The following PTPRM variants were observed in gnomAD, a reference collection of about 807,000 sequenced individuals.
PTPRM encodes receptor-type tyrosine-protein phosphatase mu.
PTPRM carries 47 observed loss-of-function variants against 186.7 expected under a neutral mutation model. The ratio of observed to expected loss-of-function variants is 0.25; its 90% CI spans 0.20 to 0.32. The LOEUF is 0.32. PTPRM is among the 10% of genes least tolerant of loss of function. PTPRM has a pLI of 1.00. For synonymous variants in PTPRM, 668 were observed against 674.9 expected, an observed-to-expected ratio of 0.99 and a Z score of 0.16; for missense variants, 1,494 against 1,865.0, an observed-to-expected ratio of 0.80 and a Z score of 3.66.
chr18:7,636,300 T>C (rs576509879), intron 1 of PTPRM, among the ~76,000 whole-genome samples: 2 of 152,298 alleles, frequency 1.3e-5, no homozygotes, highest in South Asian at 4.1e-4. Context: ...GCTTGCTTTT[T>C]ATGGATGGCT....
At chr18:7,927,356 G>A (rs748102215) in intron 5 of PTPRM, among the ~76,000 whole-genome samples, 15 of 152,074 alleles carry the variant, frequency 9.9e-5, no homozygotes, top group Non-Finnish European at 2.1e-4. Context: ...CCCTGCCTTG[G>A]TATTCTCCAG....
At chr18:7,924,863 C>T (rs1490767092) in intron 4 of PTPRM, among the ~76,000 whole-genome samples, 1 of 152,170 alleles carries the variant, frequency 6.6e-6, no homozygotes, top group East Asian at 1.9e-4. Flanking sequence ...TAAGGAAAGG[C>T]ACAGATGGTG....
chr18:7,856,743 C>CAAAA (rs5822986), intron 2 of PTPRM, among the ~76,000 whole-genome samples: 69,758 of 139,930 alleles, frequency 0.5, 17,628 homozygotes, highest in East Asian at 0.7. Flanking sequence ...GACCCTGTCT[C>CAAAA]AAAAAAAAAA....
chr18:8,198,171 G>A (rs34343930), intron 14 of PTPRM, among the ~76,000 whole-genome samples: 1 of 152,114 alleles, frequency 6.6e-6, no homozygotes, highest in Non-Finnish European at 1.5e-5. Flanking sequence ...TGTTAGACAG[G>A]ATCTTACTCC....
intron 14 of PTPRM, among the ~76,000 whole-genome samples, chr18:8,226,923 A>G (rs2094220698): frequency 6.6e-6 from 1 of 152,160 alleles, no homozygotes; most frequent in Non-Finnish European, 1.5e-5. Context: ...CTCCAAAGGC[A>G]GGAAGGGTGG....
intron 1 of PTPRM, among the ~76,000 whole-genome samples, chr18:7,738,767 TTG>T (rs1225521163): frequency 1.3e-5 from 2 of 152,098 alleles, no homozygotes; most frequent in African/African-American, 4.8e-5. Flanking sequence ...GAAGCATTGG[TTG>T]TGTGACATGC....
chr18:8,067,980 T>C (rs1006319636), intron 7 of PTPRM, among the ~76,000 whole-genome samples: 3 of 152,228 alleles, frequency 2.0e-5, no homozygotes, highest in Admixed American at 1.3e-4. Context: ...TCTTCTTATT[T>C]GATTCTCTTT....
intron 19 of PTPRM, among the ~76,000 whole-genome samples, chr18:8,269,585 A>G (rs923103930): frequency 6.6e-6 from 1 of 152,020 alleles, no homozygotes; most frequent in African/African-American, 2.4e-5. Flanking sequence ...AGCCAAAGCA[A>G]TCTTAAGAAA....
intron 2 of PTPRM, among the ~76,000 whole-genome samples, chr18:7,830,510 A>G (rs1012049201): frequency 5.3e-5 from 8 of 152,170 alleles, no homozygotes; most frequent in Non-Finnish European, 7.4e-5. Context: ...GGTATAGCCT[A>G]TTGCTCCAAC....
intron 19 of PTPRM, among the ~76,000 whole-genome samples, chr18:8,257,345 ACCT>A (rs1224360259): frequency 6.6e-6 from 1 of 152,030 alleles, no homozygotes; most frequent in Non-Finnish European, 1.5e-5. Context: ...CACCAAAAGC[ACCT>A]CCTGTGTCAC....
At chr18:7,826,803 C>T (rs2145673422) in intron 2 of PTPRM, among the ~76,000 whole-genome samples, 2 of 152,252 alleles carry the variant, frequency 1.3e-5, no homozygotes, top group East Asian at 1.9e-4. Flanking sequence ...AAATTAAAAA[C>T]TTACTGTGGG....
intron 7 of PTPRM, among the ~76,000 whole-genome samples, chr18:8,001,272 A>G (rs2095428179): frequency 6.6e-6 from 1 of 151,836 alleles, no homozygotes; most frequent in Non-Finnish European, 1.5e-5. Flanking sequence ...ATAGCGATAG[A>G]CTCCTCGTAA....
chr18:7,697,526 T>C (rs967155895), intron 1 of PTPRM, among the ~76,000 whole-genome samples: 1 of 152,192 alleles, frequency 6.6e-6, no homozygotes, highest in African/African-American at 2.4e-5. Flanking sequence ...AAGAACACTA[T>C]TGTGTGATTG....
intron 2 of PTPRM, among the ~76,000 whole-genome samples, chr18:7,884,266 G>C (rs574027870): frequency 6.6e-6 from 1 of 152,152 alleles, no homozygotes; most frequent in Admixed American, 6.5e-5. Flanking sequence ...GCTTTGTCCC[G>C]CTTGCCTTGT....
At position 7,984,598 on chromosome 18, in the gene PTPRM, T is replaced by TACAC. The variant is rs1426131645; in HGVS notation, c.1132+29185_1132+29186insCACA. On this transcript the variant is annotated intron_variant, in intron 7 of 32. Transcript: ENST00000580170. ...ATATATATATATATATATATATATA[T>TACAC]ATATACACACACACACACACACACA... Among the ~76,000 whole-genome samples, 542 of 115,070 alleles carry TACAC rather than the reference T, an allele frequency of 4.7e-3. 3 individuals are homozygous for TACAC. The highest frequency in any genetic ancestry group is 0.02 in the Middle Eastern group (4 of 204). The allele number at this position is 115,070 out of a possible 152,430, so 75.5% of individuals were successfully genotyped here.
At chr18:8,199,346 C>T (rs2093821671) in intron 14 of PTPRM, among the ~76,000 whole-genome samples, 1 of 152,144 alleles carries the variant, frequency 6.6e-6, no homozygotes, top group South Asian at 2.1e-4. Flanking sequence ...GACGCAGAGC[C>T]TGCGCTCCTC....
chr18:8,080,893 C>T (rs780643685), intron 9 of PTPRM, among the ~76,000 whole-genome samples: 14 of 152,172 alleles, frequency 9.2e-5, no homozygotes, highest in Non-Finnish European at 1.9e-4. Context: ...CTGCCTGTGC[C>T]ATCCCATCGC....
chr18:8,378,302 C>A lies in PTPRM; in HGVS notation c.3500C>A (p.Ala1167Asp), dbSNP rs2095709369. Residue 1167 changes from alanine (A) to aspartate (D), a missense_variant, in exon 27 of 33, where the codon GCC becomes GAC. Transcript: ENST00000580170. ...TTTATCCACGATGCGATCCTGGAAG[C>A]CTGTCTTTGTGGGGACACCTCTGTG... ...YVFIHDAILE[A>D]CLCGDTSVPA... 1 of 1,612,854 alleles carries A rather than the reference C, an allele frequency of 6.2e-7. No homozygotes were observed. The highest frequency in any genetic ancestry group is 2.2e-5 in the East Asian group (1 of 44,882).
At chr18:8,193,842 G>T (rs1158483206) in intron 14 of PTPRM, among the ~76,000 whole-genome samples, 1 of 152,238 alleles carries the variant, frequency 6.6e-6, no homozygotes, top group Non-Finnish European at 1.5e-5. Flanking sequence ...ATGTGTCGCT[G>T]AACCTTGGCC....
Sources: gnomAD v4.1 joint callset for allele counts (sites outside exome capture counted in the v4.1 genomes callset) on GRCh38, gnomAD v4.1.1 for gene constraint, MANE v1.5 for transcripts, NCBI Gene and HGNC (gene_info 2026-07-23, HGNC 2026-07-21) for gene names.